The following PHAF1 variants were observed in gnomAD, a reference collection of about 807,000 sequenced individuals.
The protein encoded by PHAF1 is phagophore assembly factor 1, also known as phagosome assembly factor 1.
PHAF1 carries 23 observed loss-of-function variants against 63.1 expected under a neutral mutation model. The observed-to-expected ratio is 0.36, with a 90% CI of 0.26 to 0.52. The LOEUF (loss-of-function observed/expected upper bound fraction) is 0.52. PHAF1 is among the 20% of genes least tolerant of loss of function. PHAF1 has a pLI of 0.93. For missense variants in PHAF1, 427 were observed against 517.2 expected, an observed-to-expected ratio of 0.83 and a Z score of 1.69; for synonymous variants, 167 against 185.0, an observed-to-expected ratio of 0.90 and a Z score of 0.79.
intron 2 of PHAF1, among the ~76,000 whole-genome samples, chr16:67,123,740 G>A (rs1963077650): frequency 6.6e-6 from 1 of 152,228 alleles, no homozygotes; most frequent in Middle Eastern, 3.4e-3. Flanking sequence ...CTCTTCTTCT[G>A]CCTACTTTAT....
intron 13 of PHAF1, 68 bp from the exon 14 acceptor site, chr16:67,145,502 G>A (rs2029974221): frequency 6.2e-7 from 1 of 1,612,238 alleles, no homozygotes; most frequent in Non-Finnish European, 8.5e-7. Flanking sequence ...GTGTCCTCTA[G>A]GCCAGCCATT....
chr16:67,130,272 C>T (rs1963340754), intron 3 of PHAF1, among the ~76,000 whole-genome samples: 1 of 151,748 alleles, frequency 6.6e-6, no homozygotes, highest in Non-Finnish European at 1.5e-5. Flanking sequence ...TGGTCTCAAT[C>T]TCCTGACCTT....
intron 2 of PHAF1, among the ~76,000 whole-genome samples, chr16:67,121,278 C>T (rs1962959692): frequency 6.6e-6 from 1 of 151,408 alleles, no homozygotes; most frequent in Non-Finnish European, 1.5e-5. Context: ...CAGGCTCCGC[C>T]TCCTGGGTTC....
intron 6 of PHAF1, 69 bp downstream of exon 6, chr16:67,132,980 G>T: frequency 7.7e-7 from 1 of 1,293,694 alleles, no homozygotes; most frequent in South Asian, 1.3e-5. Flanking sequence ...TGGTGTCATG[G>T]GATGGGAATA....
At chr16:67,133,871 G>T (rs548067791) in intron 6 of PHAF1, among the ~76,000 whole-genome samples, 3 of 152,140 alleles carry the variant, frequency 2.0e-5, no homozygotes, top group African/African-American at 7.2e-5. Context: ...CTTGAACCTG[G>T]GAGGTGGAGG....
At chr16:67,112,978 C>T (rs966422873) in intron 1 of PHAF1, among the ~76,000 whole-genome samples, 25 of 152,156 alleles carry the variant, frequency 1.6e-4, no homozygotes, top group Non-Finnish European at 1.0e-4. Context: ...GGATAGGTCT[C>T]GGAAGGGAAT....
chr16:67,119,413 A>G (rs1457407292), intron 1 of PHAF1, among the ~76,000 whole-genome samples: 1 of 152,130 alleles, frequency 6.6e-6, no homozygotes, highest in Non-Finnish European at 1.5e-5. Context: ...CCTGGGCCAC[A>G]TTGGAAGAAG....
At chr16:67,116,095 TG>T (rs1183387761) in intron 1 of PHAF1, among the ~76,000 whole-genome samples, 38 of 152,346 alleles carry the variant, frequency 2.5e-4, no homozygotes, top group African/African-American at 9.1e-4. Context: ...CTTCTGCACG[TG>T]GATGTTTGTC....
chr16:67,119,416 GGAA>G (rs1215596537), intron 1 of PHAF1, among the ~76,000 whole-genome samples: 2 of 152,012 alleles, frequency 1.3e-5, no homozygotes, highest in South Asian at 2.1e-4. Context: ...GGGCCACATT[GGAA>G]GAAGAATTGT....
chr16:67,120,272 G>A (rs983951789), intron 2 of PHAF1, 78 bp downstream of exon 2: 55 of 1,338,680 alleles, frequency 4.1e-5, no homozygotes, highest in Non-Finnish European at 5.6e-5. Context: ...CTTTGGGATA[G>A]GCTGACTGGC....
rs947680533 is a variant in PHAF1, at chr16:67,132,893, T to C, written c.432T>C (p.Thr144=). 1.6e-5 allele frequency: 26 copies of C among 1,611,462 alleles called. No homozygotes were observed. Among genetic ancestry groups the C allele is most frequent in the Non-Finnish European group, 2.2e-5 (26 of 1,177,614 alleles). The change falls in exon 6 of 16, where the codon ACT becomes ACC. Residue 144 remains threonine, a synonymous_variant. Transcript: ENST00000219139. ...TCTCTTTTCAGTTAGACTCATGGAC[T>C]GAGGCTCCAAAGTATGAGGTTAGCC... The part of the protein sequence containing the change: ...LSFSFQLDSW[T]EAPKYEPNFA...
Position 67,110,084 on chromosome 16 carries a change from G to A in PHAF1, c.-92G>A, listed in dbSNP as rs1055990493. The A allele has an allele frequency of 3.6e-6, 5 of 1,379,956 alleles. No individual in the cohort carries two copies. Among genetic ancestry groups the A allele is most frequent in the Admixed American group, 2.2e-5 (1 of 45,728 alleles). 85.5% of individuals were successfully genotyped at this position (1,379,956 alleles called of 1,614,324 possible). A position where few individuals can be genotyped will look rare whatever the true frequency, so the allele number is the denominator to read the frequency against. On this transcript the variant is annotated 5_prime_UTR_variant, in exon 1 of 16. Transcript: ENST00000219139. Reference sequence around the variant, plus strand: ...AAAGCGGGGCTGTGGCGGGCCGGCGGGGGCGGCCTGTCAGCCGCTGCTTTG... The same window carrying A: ...AAAGCGGGGCTGTGGCGGGCCGGCGAGGGCGGCCTGTCAGCCGCTGCTTTG...
intron 2 of PHAF1, among the ~76,000 whole-genome samples, chr16:67,123,966 G>A (rs922747366): frequency 6.6e-6 from 1 of 152,194 alleles, no homozygotes; most frequent in Admixed American, 6.5e-5. Flanking sequence ...TAGGTTACTG[G>A]AAGAACCTGC....
At chr16:67,118,755 G>A (rs1209189221) in intron 1 of PHAF1, among the ~76,000 whole-genome samples, 2 of 147,464 alleles carry the variant, frequency 1.4e-5, no homozygotes, top group Non-Finnish European at 3.0e-5. Flanking sequence ...TGGTGGATGA[G>A]TGATCTTAAA....
Position 67,146,368 on chromosome 16 carries a change from T to C in PHAF1, c.1182+18T>C. On this transcript the variant is annotated intron_variant, in intron 15 of 15. Transcript: ENST00000219139. The stretch of plus-strand genomic sequence containing the variant: ...TCTTTGAGGTAAGCTGTGGAAGCCC[T>C]AGAAATAAACTGCCTGGGGGGTTGC... The C allele has an allele frequency of 6.2e-7, 1 of 1,610,648 alleles. No homozygotes were observed. The highest frequency in any genetic ancestry group is 8.5e-7 in the Non-Finnish European group (1 of 1,176,876).
At chr16:67,141,347 G>A (rs970404828) in intron 10 of PHAF1, among the ~76,000 whole-genome samples, 1 of 152,198 alleles carries the variant, frequency 6.6e-6, no homozygotes, top group Non-Finnish European at 1.5e-5. Context: ...GCGGCAGGAG[G>A]GAACAGTGCT....
intron 8 of PHAF1, chr16:67,134,743 T>C: frequency 1.8e-6 from 1 of 545,298 alleles, no homozygotes; most frequent in South Asian, 1.5e-5. Context: ...TGCAAGGGGC[T>C]AGTTAACTCC....
At chr16:67,125,584 A>G (rs1285988964) in intron 2 of PHAF1, among the ~76,000 whole-genome samples, 2 of 152,214 alleles carry the variant, frequency 1.3e-5, no homozygotes, top group South Asian at 2.1e-4. Flanking sequence ...CATGACCTGT[A>G]TTCCTCACCA....
Position 67,147,335 on chromosome 16 carries a change from G to T in PHAF1, c.*204G>T, listed in dbSNP as rs1464798145. 1.4e-5 allele frequency: 8 copies of T among 554,622 alleles called. No homozygotes were observed. Among genetic ancestry groups the T allele is most frequent in the Middle Eastern group, 4.7e-4 (1 of 2,136 alleles). The allele number at this position is 554,622 out of a possible 1,614,324, so 34.4% of individuals were successfully genotyped here. ...TCTTCTGTCCATCTTTGGCCTGCTG[G>T]TGCCAGCAGGGGACACAGACTGCAA... is the stretch of plus-strand genomic sequence containing the variant. On this transcript the variant is annotated 3_prime_UTR_variant, in exon 16 of 16. Coordinates refer to ENST00000219139, the MANE Select transcript of PHAF1 (RefSeq NM_025187.5).
Sources: gnomAD v4.1 joint callset for allele counts (sites outside exome capture counted in the v4.1 genomes callset) on GRCh38, gnomAD v4.1.1 for gene constraint, MANE v1.5 for transcripts, NCBI Gene and HGNC (gene_info 2026-07-23, HGNC 2026-07-21) for gene names.